Variants in CCDC178 observed in about 807,000 individuals in gnomAD.
The protein encoded by CCDC178 is coiled-coil domain-containing protein 178.
CCDC178 carries 126 observed loss-of-function variants against 117.4 expected under a neutral mutation model. That is an observed-to-expected ratio of 1.07 (90% CI 0.93 to 1.24). The LOEUF (loss-of-function observed/expected upper bound fraction) is 1.24. CCDC178 is among the 50% of genes most tolerant of loss of function. CCDC178 has a pLI of 0.00. For missense variants in CCDC178, 1,030 were observed against 986.9 expected (o/e 1.04, Z -0.59); for synonymous variants, 283 against 313.4 (o/e 0.90, Z 1.02).
At chr18:33,225,130 T>C (rs2059287268) in intron 16 of CCDC178, among the ~76,000 whole-genome samples, 194 bp from the exon 17 acceptor site, 1 of 150,448 alleles carries the variant, frequency 6.6e-6, no homozygotes, top group African/African-American at 2.4e-5. Flanking sequence ...TATCCAAAAA[T>C]CTCATGGATG....
chr18:33,100,478 C>T (rs1041131338), intron 20 of CCDC178, among the ~76,000 whole-genome samples: 9 of 152,084 alleles, frequency 5.9e-5, no homozygotes, highest in East Asian at 3.9e-4. Flanking sequence ...AAGCTAACTA[C>T]ATCAGGATGC....
At position 33,211,881 on chromosome 18, in the gene CCDC178, A is replaced by G. The variant is rs1312921696; in HGVS notation, c.2238+15T>C. ...ATATTCCTTTCATTTTGAAACATGC[A>G]AAAATAATACTCACTTGGGTATCTT... On this transcript the variant is annotated intron_variant, in intron 20 of 22. Coordinates refer to ENST00000383096, the MANE Select transcript of CCDC178 (RefSeq NM_001105528.4). 6.3e-7 allele frequency: 1 copy of G among 1,590,038 alleles called. No homozygotes were observed. Among genetic ancestry groups the G allele is most frequent in the Non-Finnish European group, 8.5e-7 (1 of 1,172,022 alleles).
At chr18:33,215,898 C>T (rs998573288) in intron 18 of CCDC178, among the ~76,000 whole-genome samples, 3 of 151,944 alleles carry the variant, frequency 2.0e-5, no homozygotes, top group African/African-American at 7.2e-5. Flanking sequence ...GAGTTCAAGA[C>T]CAACCTGGAC....
chr18:32,974,582 A>T lies in CCDC178; in HGVS notation c.2488T>A (p.Ser830Thr). 6.2e-7 allele frequency: 1 copy of T among 1,613,732 alleles called. No individual in the cohort carries two copies. The highest frequency in any genetic ancestry group is 8.5e-7 in the Non-Finnish European group (1 of 1,179,816). ...QMRLANFQTD[S>T]QESIQKILAV... ...AATATTTTCTGAATACTCTCCTGAG[A>T]GTCTGTCTGGAAGTTGGCCAGCCTC... Residue 830 changes from serine (S) to threonine (T), a missense_variant, in exon 22 of 23, where the codon TCT becomes ACT. Physicochemically the swap from Ser to Thr is moderately conservative, Grantham distance 58 (BLOSUM62 1). Transcript: ENST00000383096.
At position 33,037,051 on chromosome 18, in the gene CCDC178, T is replaced by C. The variant is rs577720036; in HGVS notation, c.2388+55710A>G. Among the ~76,000 whole-genome samples the C allele has an allele frequency of 4.6e-5, 7 of 151,922 alleles. No homozygotes were observed. In the South Asian group the frequency reaches 1.2e-3, roughly 27 times the overall value. ...CAAGACAGAATCAGGAGAGAACAGTTCTTCAGGAACCAAGGCAATGTCAAT... is the reference window on the plus strand; with the variant it reads ...CAAGACAGAATCAGGAGAGAACAGTCCTTCAGGAACCAAGGCAATGTCAAT... On this transcript the variant is annotated intron_variant, in intron 21 of 22. Transcript: ENST00000383096.
intron 20 of CCDC178, among the ~76,000 whole-genome samples, chr18:33,171,762 G>A (rs2058602743): frequency 6.6e-6 from 1 of 152,160 alleles, no homozygotes; most frequent in African/African-American, 2.4e-5. Flanking sequence ...CTCCTAAATT[G>A]GCTCAATATT....
intron 21 of CCDC178, among the ~76,000 whole-genome samples, chr18:33,053,645 G>A (rs941919362): frequency 2.0e-5 from 3 of 151,998 alleles, no homozygotes; most frequent in African/African-American, 4.8e-5. Flanking sequence ...ATAAGTTATG[G>A]GGGTTTCCAC....
intron 12 of CCDC178, among the ~76,000 whole-genome samples, chr18:33,274,753 T>C (rs1016092289): frequency 6.6e-6 from 1 of 151,994 alleles, no homozygotes; most frequent in Non-Finnish European, 1.5e-5. Context: ...TGAAAAAATA[T>C]ACATGAAAAT....
chr18:33,238,680 AG>A lies in CCDC178; in HGVS notation c.1593+6564del, dbSNP rs1346263723. ...ACATTTGTATTATGGGCATTCCAGAAGAAGAAAATAGAAAGATGTAGAAAAC... is the reference window on the plus strand; with the variant it reads ...ACATTTGTATTATGGGCATTCCAGAAAAGAAAATAGAAAGATGTAGAAAAC... On this transcript the variant is annotated intron_variant, in intron 15 of 22. Coordinates refer to ENST00000383096, the MANE Select transcript of CCDC178 (RefSeq NM_001105528.4). 2.0e-5 allele frequency among the ~76,000 whole-genome samples: 3 copies of A among 152,248 alleles called. No individual in the cohort carries two copies. The East Asian group carries it at 5.8e-4, about 29-fold the overall frequency.
chr18:33,079,590 A>G (rs528942328), intron 21 of CCDC178, among the ~76,000 whole-genome samples: 1 of 146,836 alleles, frequency 6.8e-6, no homozygotes, highest in Non-Finnish European at 1.5e-5. Flanking sequence ...AGCCAAAAAC[A>G]AACAACCCAT....
intron 20 of CCDC178, among the ~76,000 whole-genome samples, chr18:33,132,581 G>T (rs1192349864): frequency 6.6e-6 from 1 of 151,538 alleles, no homozygotes; most frequent in African/African-American, 2.4e-5. Flanking sequence ...TAATTTAAAA[G>T]AATCTGCCTA....
intron 9 of CCDC178, among the ~76,000 whole-genome samples, chr18:33,345,237 A>G (rs2062875488): frequency 6.6e-6 from 1 of 152,148 alleles, no homozygotes; most frequent in South Asian, 2.1e-4. Flanking sequence ...TTTTTATCCT[A>G]TGAGAGAGTA....
rs1555670794 is a variant in CCDC178, at chr18:33,247,093, T to TGA, written c.1410-1667_1410-1666dup. Among the ~76,000 whole-genome samples, 330 of 148,188 alleles carry TGA rather than the reference T, an allele frequency of 2.2e-3. 4 individuals are homozygous for TGA. The Middle Eastern group carries it at 0.024, about 11-fold the overall frequency. On this transcript the variant is annotated intron_variant, in intron 14 of 22. Transcript: ENST00000383096. ...TGTGTTACGTGTGTGTGTGTGTGTGTGAGAGAGAGAGAGAGACAGAGTCAG... is the reference window on the plus strand; with the variant it reads ...TGTGTTACGTGTGTGTGTGTGTGTGTGAGAGAGAGAGAGAGAGACAGAGTCAG...
At chr18:33,425,589 AGAGGAT>A (rs369767834) in intron 2 of CCDC178, among the ~76,000 whole-genome samples, 8 of 152,336 alleles carry the variant, frequency 5.3e-5, no homozygotes, top group South Asian at 2.1e-4. Flanking sequence ...AATTATCTCT[AGAGGAT>A]TTTAATTAGC....
intron 20 of CCDC178, among the ~76,000 whole-genome samples, chr18:33,140,850 C>T (rs2144296841): frequency 6.6e-6 from 1 of 152,240 alleles, no homozygotes; most frequent in African/African-American, 2.4e-5. Flanking sequence ...TTTGCTGTGT[C>T]CCATCCAAAT....
intron 21 of CCDC178, among the ~76,000 whole-genome samples, chr18:33,073,317 T>C (rs1255887678): frequency 6.6e-6 from 1 of 152,020 alleles, no homozygotes; most frequent in East Asian, 1.9e-4. Flanking sequence ...ATATATTACA[T>C]GATTATACGA....
chr18:33,354,889 C>A (rs1001141027), intron 7 of CCDC178, among the ~76,000 whole-genome samples: 3 of 152,154 alleles, frequency 2.0e-5, no homozygotes, highest in African/African-American at 7.2e-5. Flanking sequence ...GGATTACAGG[C>A]ATGAGCCACC....
intron 18 of CCDC178, among the ~76,000 whole-genome samples, chr18:33,217,587 G>C (rs1409099776): frequency 2.6e-5 from 4 of 151,456 alleles, no homozygotes; most frequent in Admixed American, 2.0e-4. Flanking sequence ...ATTGGCCTAT[G>C]TCATAAATTT....
intron 9 of CCDC178, among the ~76,000 whole-genome samples, chr18:33,337,184 T>C (rs1006592853): frequency 2.6e-5 from 4 of 151,746 alleles, no homozygotes; most frequent in African/African-American, 9.7e-5. Context: ...GTTCCTAATT[T>C]CTCAGTTTGG....
Sources: gnomAD v4.1 joint callset for allele counts (sites outside exome capture counted in the v4.1 genomes callset) on GRCh38, gnomAD v4.1.1 for gene constraint, MANE v1.5 for transcripts, NCBI Gene and HGNC (gene_info 2026-07-23, HGNC 2026-07-21) for gene names.